Variants in EXD2 observed in about 807,000 individuals in gnomAD.
EXD2 encodes the protein exonuclease 3'-5' domain-containing protein 2.
In EXD2, 40 loss-of-function variants were observed where a neutral mutation model predicts 62.5. The ratio of observed to expected loss-of-function variants is 0.64; its 90% CI spans 0.50 to 0.83. The LOEUF is 0.83. EXD2 is among the 40% of genes least tolerant of loss of function. The pLI is 0.00. For missense variants in EXD2, 671 were observed against 761.8 expected, an observed-to-expected ratio of 0.88 and a Z score of 1.40; for synonymous variants, 239 against 291.9, an observed-to-expected ratio of 0.82 and a Z score of 1.85.
intron 4 of EXD2, 112 bp from the exon 5 acceptor site, chr14:69,230,360 A>G: frequency 1.7e-6 from 1 of 599,786 alleles, no homozygotes; most frequent in Non-Finnish European, 2.9e-6. Context: ...TTCGATTTCT[A>G]GTGAGATTCA....
chr14:69,215,294 ATATATGTGTGTGTGTGTGTGTG>A (rs1337106925), intron 3 of EXD2, among the ~76,000 whole-genome samples: 6 of 137,270 alleles, frequency 4.4e-5, no homozygotes, highest in East Asian at 4.0e-4. Flanking sequence ...CATCTCAAAA[ATATATGTGTGTGTGTGTGTGTG>A]TGTGTGTGTG....
chr14:69,230,490 T>A lies in EXD2; in HGVS notation c.609T>A (p.Asn203Lys). 1 of 1,612,044 alleles carries A rather than the reference T, an allele frequency of 6.2e-7. No homozygotes were observed. Among genetic ancestry groups the A allele is most frequent in the Non-Finnish European group, 8.5e-7 (1 of 1,179,046 alleles). The change falls in exon 5 of 10, where the codon AAT becomes AAA. Residue 203 changes from asparagine to lysine, a missense_variant. Asn to Lys is a moderately conservative substitution (Grantham distance 94, BLOSUM62 0). Transcript: ENST00000685843. Reference protein sequence around the residue: ...AMRQRNNLLCNGLSLKSLAET... With the variant: ...AMRQRNNLLCKGLSLKSLAET... Reference sequence around the variant, plus strand: ...CTTTTAGAAACAATTTGCTCTGTAATGGGCTTAGCCTGAAGTCCCTCGCTG... The same window carrying A: ...CTTTTAGAAACAATTTGCTCTGTAAAGGGCTTAGCCTGAAGTCCCTCGCTG...
At chr14:69,200,932 G>A (rs2042376291) in intron 1 of EXD2, among the ~76,000 whole-genome samples, 1 of 151,656 alleles carries the variant, frequency 6.6e-6, no homozygotes, top group Admixed American at 6.6e-5. Context: ...AAATTAACCG[G>A]GTGTGGTGGC....
At chr14:69,219,793 T>G (rs2043107517) in intron 3 of EXD2, among the ~76,000 whole-genome samples, 1 of 152,218 alleles carries the variant, frequency 6.6e-6, no homozygotes, top group Non-Finnish European at 1.5e-5. Context: ...ACCATTTTAT[T>G]TCTTTCCCGT....
intron 5 of EXD2, among the ~76,000 whole-genome samples, chr14:69,231,584 A>G (rs1179359421): frequency 1.3e-5 from 2 of 152,120 alleles, no homozygotes; most frequent in African/African-American, 2.4e-5. Flanking sequence ...CCATGTACCT[A>G]TTATTTCCAC....
chr14:69,241,146 G>A lies in EXD2; in HGVS notation c.*46G>A. On this transcript the variant is annotated 3_prime_UTR_variant, in exon 10 of 10. Coordinates refer to ENST00000685843, the MANE Select transcript of EXD2 (RefSeq NM_001193360.2). ...AGGACAAGTGGGAAGCTGGAGCCAA[G>A]GTTGAAGAGTCACCTCTTCCCATTT... 1.3e-6 allele frequency: 2 copies of A among 1,537,288 alleles called. No homozygotes were observed. Among genetic ancestry groups the A allele is most frequent in the East Asian group, 4.5e-5 (2 of 44,174 alleles).
chr14:69,237,703 A>C lies in EXD2; in HGVS notation c.1421A>C (p.Lys474Thr). The change falls in exon 9 of 10, where the codon AAG becomes ACG. Residue 474 changes from lysine to threonine, a missense_variant. Transcript: ENST00000685843. The stretch of plus-strand genomic sequence containing the variant: ...TCCAACTACTATGACAACCATCTGA[A>C]GCAGCAGCTGGCCAAGGAGTTCCAG... ...AISNYYDNHLKQQLAKEFQAP... is the reference protein window; with the variant it reads ...AISNYYDNHLTQQLAKEFQAP... 4.3e-6 allele frequency: 7 copies of C among 1,614,180 alleles called. No homozygotes were observed. The highest frequency in any genetic ancestry group is 5.9e-6 in the Non-Finnish European group (7 of 1,180,018).
chr14:69,216,608 G>A (rs753773813), intron 3 of EXD2, among the ~76,000 whole-genome samples: 1 of 151,646 alleles, frequency 6.6e-6, no homozygotes, highest in Non-Finnish European at 1.5e-5. Flanking sequence ...TTTCTTATAC[G>A]TTTTAGAATC....
intron 3 of EXD2, among the ~76,000 whole-genome samples, chr14:69,211,502 T>A (rs758121333): frequency 4.3e-4 from 65 of 149,478 alleles, no homozygotes; most frequent in Middle Eastern, 3.2e-3. Flanking sequence ...AACACTGTGA[T>A]GACCAAAAAG....
chr14:69,206,168 G>T (rs983909678), intron 2 of EXD2, among the ~76,000 whole-genome samples: 1 of 152,044 alleles, frequency 6.6e-6, no homozygotes, highest in Non-Finnish European at 1.5e-5. Flanking sequence ...CTGTCTGTCC[G>T]CCTTGGCCTC....
intron 2 of EXD2, among the ~76,000 whole-genome samples, chr14:69,208,311 T>C (rs1489418594): frequency 7.0e-6 from 1 of 142,268 alleles, no homozygotes; most frequent in African/African-American, 2.6e-5. Context: ...CCCGGGTTCA[T>C]ACCATTCTCC....
intron 1 of EXD2, among the ~76,000 whole-genome samples, chr14:69,203,607 C>T (rs1566817651): frequency 2.0e-5 from 3 of 152,248 alleles, no homozygotes; most frequent in East Asian, 1.9e-4. Context: ...TTTTATAGAA[C>T]GCAAGGACTT....
rs548604990 is a variant in EXD2, at chr14:69,216,403, C to T, written c.333+6600C>T. 3.2e-4 allele frequency among the ~76,000 whole-genome samples: 49 copies of T among 152,256 alleles called. 1 individual carries two copies. The highest frequency in any genetic ancestry group is 6.8e-3 in the Middle Eastern group (2 of 294). ...AAGACCTGCCATCTTGTTCTTTTTC[C>T]ACAATATCTTGGATAATCTTGATAC... On this transcript the variant is annotated intron_variant, in intron 3 of 9. Coordinates refer to ENST00000685843, the MANE Select transcript of EXD2 (RefSeq NM_001193360.2).
chr14:69,199,548 G>A (rs918874627), intron 1 of EXD2, among the ~76,000 whole-genome samples: 2 of 151,800 alleles, frequency 1.3e-5, no homozygotes, highest in African/African-American at 4.8e-5. Flanking sequence ...CAAATATGTT[G>A]TACAGCTGTA....
At chr14:69,239,374 T>C (rs977263452) in intron 9 of EXD2, among the ~76,000 whole-genome samples, 3 of 152,226 alleles carry the variant, frequency 2.0e-5, no homozygotes, top group Non-Finnish European at 4.4e-5. Flanking sequence ...ATGCTGGTTT[T>C]TGTTAACTGA....
chr14:69,219,670 T>G (rs1331417261), intron 3 of EXD2, among the ~76,000 whole-genome samples: 1 of 152,242 alleles, frequency 6.6e-6, no homozygotes, highest in East Asian at 1.9e-4. Flanking sequence ...CATGGAAAAA[T>G]GCAACTGAGT....
intron 3 of EXD2, chr14:69,214,076 T>G (rs1174900962): frequency 6.6e-6 from 1 of 152,208 alleles, no homozygotes; most frequent in Non-Finnish European, 1.5e-5. Context: ...TGTAAAGTTC[T>G]GGTTTGGCAG....
intron 2 of EXD2, among the ~76,000 whole-genome samples, chr14:69,206,151 G>A (rs115809384): frequency 0.013 from 2,011 of 152,156 alleles, 42 homozygotes; most frequent in African/African-American, 0.047. Context: ...AAACTCCTGG[G>A]CTCAAGCTGT....
chr14:69,210,263 C>T (rs113434676), intron 3 of EXD2: 1,721 of 155,016 alleles, frequency 0.011, 26 homozygotes, highest in East Asian at 0.056. Context: ...ATAAGGATGC[C>T]GTGGAGAAAA....
Sources: gnomAD v4.1 joint callset for allele counts (sites outside exome capture counted in the v4.1 genomes callset) on GRCh38, gnomAD v4.1.1 for gene constraint, MANE v1.5 for transcripts, NCBI Gene and HGNC (gene_info 2026-07-23, HGNC 2026-07-21) for gene names.